OPHN1: variants seen among roughly 807,000 people sequenced by gnomAD.
The protein encoded by OPHN1 is oligophrenin 1.
A neutral mutation model predicts 60.7 loss-of-function variants in OPHN1; 11 were observed. The ratio of observed to expected loss-of-function variants is 0.18; its 90% CI spans 0.11 to 0.30. The LOEUF (loss-of-function observed/expected upper bound fraction) is 0.30, where lower values mean the gene tolerates loss of function less well. Ranked by LOEUF, OPHN1 falls within the 10% of genes least tolerant of loss-of-function variation. The pLI, the probability that OPHN1 is intolerant of heterozygous loss-of-function variation, is 1.00. For missense variants in OPHN1, 449 were observed against 611.0 expected (o/e 0.73, Z 2.80); for synonymous variants, 226 against 222.6 (o/e 1.02, Z -0.14).
At chrX:68,161,143 T>C (rs5965504) in intron 15 of OPHN1, among the ~76,000 whole-genome samples, 26,450 of 109,710 alleles carry the variant, frequency 0.24, 3,627 homozygotes, top group African/African-American at 0.5. Flanking sequence ...CTAGATAATA[T>C]GGACAAATTC....
At chrX:68,336,609 C>A (rs2078323569) in intron 2 of OPHN1, among the ~76,000 whole-genome samples, 1 of 110,277 alleles carries the variant, frequency 9.1e-6, no homozygotes, top group Admixed American at 9.8e-5. Context: ...TCTTTCTTCT[C>A]TTAACCGATG....
chrX:68,063,323 C>T (rs1274319151), intron 21 of OPHN1, among the ~76,000 whole-genome samples: 1 of 110,984 alleles, frequency 9.0e-6, no homozygotes, highest in Non-Finnish European at 1.9e-5. Context: ...GAGTTTGAGA[C>T]CAGCCTGGCT....
intron 21 of OPHN1, among the ~76,000 whole-genome samples, chrX:68,058,978 CA>C (rs2076883406): frequency 9.0e-6 from 1 of 111,672 alleles, no homozygotes; most frequent in Non-Finnish European, 1.9e-5. Context: ...CCTCATTATA[CA>C]AATGAGAAAA....
At chrX:68,354,874 T>A (rs1041147604) in intron 2 of OPHN1, among the ~76,000 whole-genome samples, 1 of 112,123 alleles carries the variant, frequency 8.9e-6, no homozygotes, top group Non-Finnish European at 1.9e-5. Flanking sequence ...TGCTCATCCC[T>A]AATTATTTCC....
intron 5 of OPHN1, among the ~76,000 whole-genome samples, chrX:68,259,058 T>C (rs1602276664): frequency 1.8e-5 from 2 of 111,835 alleles, no homozygotes; most frequent in Admixed American, 9.5e-5. Context: ...TCTAAGTATA[T>C]ACCCAGGAGA....
At chrX:68,132,397 C>G (rs191473266) in intron 15 of OPHN1, among the ~76,000 whole-genome samples, 1 of 107,752 alleles carries the variant, frequency 9.3e-6, no homozygotes, top group Non-Finnish European at 1.9e-5. Flanking sequence ...ATGTCCTTTG[C>G]AGGGACATGG....
chrX:68,169,883 T>C (rs1159769686), intron 15 of OPHN1, among the ~76,000 whole-genome samples: 2 of 107,484 alleles, frequency 1.9e-5, no homozygotes, highest in Non-Finnish European at 1.9e-5. Context: ...AAGGACTTCA[T>C]GTCTAAAACA....
chrX:68,183,414 T>C (rs1405541771), intron 15 of OPHN1, among the ~76,000 whole-genome samples: 1 of 111,964 alleles, frequency 8.9e-6, no homozygotes, highest in Non-Finnish European at 1.9e-5. Context: ...TCTATTTGCC[T>C]AAAAGCAGAA....
intron 21 of OPHN1, among the ~76,000 whole-genome samples, chrX:68,061,762 T>G (rs2076893923): frequency 9.0e-6 from 1 of 111,590 alleles, no homozygotes; most frequent in Non-Finnish European, 1.9e-5. Context: ...ATCGCATGAG[T>G]GATCACATCA....
chrX:68,224,436 T>C (rs1430043653), intron 6 of OPHN1, among the ~76,000 whole-genome samples: 2 of 111,276 alleles, frequency 1.8e-5, no homozygotes, highest in Non-Finnish European at 3.8e-5. Flanking sequence ...GGCGGGAAGA[T>C]CACTTGAAAC....
At chrX:68,188,078 G>C (rs2147448449) in intron 15 of OPHN1, among the ~76,000 whole-genome samples, 1 of 112,078 alleles carries the variant, frequency 8.9e-6, no homozygotes, top group East Asian at 2.8e-4. Flanking sequence ...AAGCAGGTGG[G>C]ATAACAGCAT....
In OPHN1 at chrX:68,213,962, T is replaced by C; in HGVS notation, c.497A>G (p.Gln166Arg). 2.6e-6 allele frequency: 3 copies of C among 1,149,111 alleles called. No homozygotes were observed. Among genetic ancestry groups the C allele is most frequent in the Non-Finnish European group, 3.6e-6 (3 of 840,010 alleles). 94.7% of individuals were successfully genotyped at this position (1,149,111 alleles called of 1,213,427 possible). A position where few individuals can be genotyped will look rare whatever the true frequency, so the allele number is the denominator to read the frequency against. ...KESQLQEADLQVDKERHNFFE... is the reference protein window; with the variant it reads ...KESQLQEADLRVDKERHNFFE... ...AAAATTGTGCCTCTCCTTGTCCACC[T>C]GTAGGTCTGCCTGTAGAAGAAGGAA... is the stretch of plus-strand genomic sequence containing the variant. The change falls in exon 7 of 25, where the codon CAG becomes CGG. Residue 166 changes from glutamine (Q) to arginine (R), a missense_variant. Around this residue, in one of 4 missense-constraint regions of OPHN1, gnomAD observed 99 missense variants for 155.2 expected, o/e 0.64. Coordinates refer to ENST00000355520, the MANE Select transcript of OPHN1 (RefSeq NM_002547.3).
chrX:68,084,206 A>C (rs1295825751), intron 19 of OPHN1, among the ~76,000 whole-genome samples: 1 of 108,486 alleles, frequency 9.2e-6, no homozygotes, highest in Non-Finnish European at 1.9e-5. Context: ...TAAAGAACCT[A>C]GCCTGGAACA....
intron 18 of OPHN1, among the ~76,000 whole-genome samples, chrX:68,107,934 G>C (rs776486109): frequency 1.8e-5 from 2 of 111,730 alleles, no homozygotes; most frequent in African/African-American, 6.5e-5. Flanking sequence ...CAATACTCTT[G>C]CCCAATAGTT....
At chrX:68,433,121 C>A (rs760552104) in intron 1 of OPHN1, 47 bp downstream of exon 1, 64 of 886,904 alleles carry the variant, frequency 7.2e-5, no homozygotes, top group Non-Finnish European at 9.9e-5. Flanking sequence ...GAGCGCGCGA[C>A]CCGCTTAAGG....
intron 3 of OPHN1, among the ~76,000 whole-genome samples, chrX:68,287,161 GAA>G (rs1378783292): frequency 1.1e-5 from 1 of 91,303 alleles, no homozygotes; most frequent in Non-Finnish European, 2.1e-5. Context: ...AAGAAGGAAA[GAA>G]AGAAAGAAAG....
Position 68,063,971 on chromosome X carries a change from C to T in OPHN1, c.2041G>A (p.Gly681Arg). 5.0e-6 allele frequency: 6 copies of T among 1,210,001 alleles called. No individual in the cohort carries two copies. Among genetic ancestry groups the T allele is most frequent in the Non-Finnish European group, 6.7e-6 (6 of 894,843 alleles). ...GTGGCCTTTGGGGTGATCTTGGTCC[C>T]TCCATCCTGCAGCCTAGACACCAAC... ...GKLVSRLQDG[G>R]TKITPKATNG... Residue 681 changes from glycine to arginine, a missense_variant, in exon 21 of 25, where the codon GGG becomes AGG. This residue lies in a region of OPHN1 where 184 missense variants were observed against 160.5 expected (regional missense o/e 1.15). Coordinates refer to ENST00000355520, the MANE Select transcript of OPHN1 (RefSeq NM_002547.3).
intron 17 of OPHN1, among the ~76,000 whole-genome samples, chrX:68,112,195 T>A (rs2077108362): frequency 1.0e-5 from 1 of 100,011 alleles, no homozygotes; most frequent in Non-Finnish European, 2.0e-5. Flanking sequence ...ACAATAAAAA[T>A]TAGAGACCCA....
At chrX:68,318,116 T>C (rs1251809167) in intron 2 of OPHN1, among the ~76,000 whole-genome samples, 1 of 111,812 alleles carries the variant, frequency 8.9e-6, no homozygotes, top group East Asian at 2.8e-4. Flanking sequence ...ATCGTATTTG[T>C]ATATACTAGC....
Sources: allele counts gnomAD v4.1 joint callset (sites outside exome capture counted in the v4.1 genomes callset), GRCh38; gene constraint gnomAD v4.1.1; regional missense constraint gnomAD v4.1.1; transcripts MANE v1.5; gene names NCBI Gene and HGNC (gene_info 2026-07-23, HGNC 2026-07-21).